ADARB2: variants seen among roughly 807,000 people sequenced by gnomAD.
ADARB2 encodes adenosine deaminase RNA specific B2 (inactive).
A neutral mutation model predicts 62.2 loss-of-function variants in ADARB2; 25 were observed. The observed-to-expected ratio is 0.40, with a 90% CI of 0.29 to 0.56. The LOEUF (loss-of-function observed/expected upper bound fraction) is 0.56. Among genes scored for constraint, ADARB2 ranks in the 20% least tolerant of loss-of-function variants. The pLI is 0.43. For missense variants in ADARB2, 1,071 were observed against 1,077.4 expected (o/e 0.99, Z 0.08); for synonymous variants, 572 against 500.8 (o/e 1.14, Z -1.90).
intron 1 of ADARB2, among the ~76,000 whole-genome samples, chr10:1,507,555 G>C (rs765723644): frequency 2.0e-5 from 3 of 152,182 alleles, no homozygotes; most frequent in African/African-American, 7.2e-5. Flanking sequence ...CGTGAGCTCC[G>C]TCTGGAGATG....
rs149894927 is a variant in ADARB2 at position 1,482,645 on chromosome 10, T to C, written c.101-103485A>G. 2.7e-3 allele frequency among the ~76,000 whole-genome samples: 411 copies of C among 152,290 alleles called. 4 individuals carry two copies. Among genetic ancestry groups the C allele is most frequent in the African/African-American group, 9.3e-3 (386 of 41,538 alleles). On this transcript the variant is annotated intron_variant, in intron 1 of 9. Transcript: ENST00000381312. ...TGCTTAACATGATGGAACTGTACACTAAAAAGTGGTAAATTTTGTATTATG... is the reference window on the plus strand; with the variant it reads ...TGCTTAACATGATGGAACTGTACACCAAAAAGTGGTAAATTTTGTATTATG...
intron 1 of ADARB2, among the ~76,000 whole-genome samples, chr10:1,559,557 G>A (rs914401746): frequency 6.6e-6 from 1 of 152,178 alleles, no homozygotes; most frequent in Non-Finnish European, 1.5e-5. Flanking sequence ...CAGGGGATGG[G>A]TGCTGACAAG....
At chr10:1,443,224 G>C (rs903483002) in intron 1 of ADARB2, among the ~76,000 whole-genome samples, 2 of 152,062 alleles carry the variant, frequency 1.3e-5, no homozygotes, top group Admixed American at 6.5e-5. Context: ...TCCTGTGCTT[G>C]GGACTCATTT....
intron 6 of ADARB2, among the ~76,000 whole-genome samples, chr10:1,230,899 C>T (rs1334277820): frequency 6.6e-6 from 1 of 152,134 alleles, no homozygotes; most frequent in Non-Finnish European, 1.5e-5. Flanking sequence ...TTTCTCCTAC[C>T]AGCACCTGCC....
intron 8 of ADARB2, among the ~76,000 whole-genome samples, chr10:1,189,375 G>A (rs1028472948): frequency 2.0e-5 from 3 of 152,042 alleles, no homozygotes; most frequent in Non-Finnish European, 4.4e-5. Flanking sequence ...CCGTGGAGAA[G>A]TGGGTTTCGA....
At chr10:1,625,855 T>G (rs1833758781) in intron 1 of ADARB2, among the ~76,000 whole-genome samples, 1 of 60,548 alleles carries the variant, frequency 1.7e-5, no homozygotes, top group Admixed American at 1.8e-4. Flanking sequence ...CTCCTGCTCC[T>G]GCCCTCTGTG....
intron 1 of ADARB2, among the ~76,000 whole-genome samples, chr10:1,444,309 CCACT>C (rs56226228): frequency 0.084 from 10,301 of 123,342 alleles, 519 homozygotes; most frequent in South Asian, 0.2. Flanking sequence ...ATCCATCCAT[CCACT>C]CATTCATCCT....
chr10:1,688,541 G>T (rs1033981600), intron 1 of ADARB2, among the ~76,000 whole-genome samples: 7 of 152,222 alleles, frequency 4.6e-5, no homozygotes, highest in Admixed American at 1.3e-4. Context: ...AGGTACATTG[G>T]TGGCTTGAAA....
chr10:1,524,101 G>GATAGATAA (rs556667028), intron 1 of ADARB2, among the ~76,000 whole-genome samples: 39 of 151,634 alleles, frequency 2.6e-4, no homozygotes, highest in Non-Finnish European at 4.6e-4. Context: ...TAGATAGATA[G>GATAGATAA]ATTAGAGAGA....
intron 1 of ADARB2, among the ~76,000 whole-genome samples, chr10:1,551,353 A>T (rs570260925): frequency 8.5e-5 from 13 of 152,310 alleles, no homozygotes; most frequent in African/African-American, 2.9e-4. Context: ...GAGCCAGCTA[A>T]ATTATTCTCC....
At chr10:1,283,657 AC>A (rs1831388779) in intron 3 of ADARB2, among the ~76,000 whole-genome samples, 2 of 152,054 alleles carry the variant, frequency 1.3e-5, no homozygotes, top group Non-Finnish European at 2.9e-5. Flanking sequence ...ACTAGTGTAG[AC>A]AGCCTATAAC....
At chr10:1,314,192 A>G (rs1313156917) in intron 3 of ADARB2, among the ~76,000 whole-genome samples, 1 of 152,116 alleles carries the variant, frequency 6.6e-6, no homozygotes, top group Non-Finnish European at 1.5e-5. Context: ...ATCATTTTGA[A>G]AACCACCAAG....
chr10:1,669,577 CAG>C (rs1834355690), intron 1 of ADARB2, among the ~76,000 whole-genome samples: 1 of 151,698 alleles, frequency 6.6e-6, no homozygotes, highest in Admixed American at 6.6e-5. Context: ...CACAAACACA[CAG>C]ACTCACTCAC....
At chr10:1,536,441 A>G (rs1832334329) in intron 1 of ADARB2, among the ~76,000 whole-genome samples, 1 of 152,158 alleles carries the variant, frequency 6.6e-6, no homozygotes, top group Non-Finnish European at 1.5e-5. Flanking sequence ...GGGCTAAGAC[A>G]CCTTCCTCCC....
At chr10:1,684,124 C>T (rs950336408) in intron 1 of ADARB2, among the ~76,000 whole-genome samples, 1 of 152,236 alleles carries the variant, frequency 6.6e-6, no homozygotes, top group Non-Finnish European at 1.5e-5. Context: ...ATGGAGTGAT[C>T]CTTCAAAGCA....
At chr10:1,449,322 C>T (rs987403875) in intron 1 of ADARB2, among the ~76,000 whole-genome samples, 1 of 152,118 alleles carries the variant, frequency 6.6e-6, no homozygotes. Flanking sequence ...GACCCCGTGC[C>T]CCTTCACTTC....
intron 1 of ADARB2, among the ~76,000 whole-genome samples, chr10:1,620,119 C>T (rs1009646720): frequency 1.3e-5 from 2 of 151,982 alleles, no homozygotes; most frequent in Non-Finnish European, 2.9e-5. Flanking sequence ...TTCTAAGCTT[C>T]CATGTGAATA....
chr10:1,183,987 C>T (rs368910143), intron 9 of ADARB2, among the ~76,000 whole-genome samples: 24 of 152,272 alleles, frequency 1.6e-4, no homozygotes, highest in African/African-American at 4.3e-4. Flanking sequence ...AGGACAGCAT[C>T]GACGCTTCCC....
chr10:1,558,642 C>A (rs1373579903), intron 1 of ADARB2, among the ~76,000 whole-genome samples: 1 of 139,298 alleles, frequency 7.2e-6, no homozygotes, highest in Non-Finnish European at 1.6e-5. Context: ...CACCTCTGCC[C>A]CCCTCCGTGG....
Sources: gnomAD v4.1 joint callset for allele counts (sites outside exome capture counted in the v4.1 genomes callset) on GRCh38, gnomAD v4.1.1 for gene constraint, MANE v1.5 for transcripts, NCBI Gene and HGNC (gene_info 2026-07-23, HGNC 2026-07-21) for gene names.